The following ZNF827 variants were observed in gnomAD, a reference collection of about 807,000 sequenced individuals.
The protein encoded by ZNF827 is zinc finger protein 827.
ZNF827 carries 13 observed loss-of-function variants against 102.4 expected under a neutral mutation model. The observed-to-expected ratio is 0.13, with a 90% CI of 0.08 to 0.20. ZNF827 has a LOEUF of 0.20. ZNF827 is among the 10% of genes least tolerant of loss of function. The pLI is 1.00. For synonymous variants in ZNF827, 523 were observed against 536.2 expected (o/e 0.98, Z 0.34); for missense variants, 1,103 against 1,344.4 (o/e 0.82, Z 2.81).
At position 145,845,946 on chromosome 4, in the gene ZNF827, A is replaced by C; in HGVS notation, c.2279+10T>G. The C allele has an allele frequency of 1.2e-6, 2 of 1,614,188 alleles. No homozygotes were observed. The highest frequency in any genetic ancestry group is 1.7e-6 in the Non-Finnish European group (2 of 1,180,020). ...GGGTGTTCTGGAGGAACCCACACAA[A>C]GTCGCCTACCTGGTCGTGGTCCGGA... On this transcript the variant is annotated intron_variant, in intron 7 of 14. Coordinates refer to ENST00000508784, the MANE Select transcript of ZNF827 (RefSeq NM_001306215.2).
chr4:145,765,070 C>G lies in ZNF827; in HGVS notation c.3148G>C (p.Asp1050His). The change falls in exon 13 of 15, where the codon GAT (aspartate) becomes CAT (histidine). Residue 1050 changes from aspartate to histidine, a missense_variant. Physicochemically the swap from Asp to His is moderately conservative, Grantham distance 81. This residue lies in a region of ZNF827 where 242 missense variants were observed against 361.9 expected (regional missense o/e 0.67). Coordinates refer to ENST00000508784, the MANE Select transcript of ZNF827 (RefSeq NM_001306215.2). The surrounding 1 kb of genome is among the most constrained non-coding windows in gnomAD (Gnocchi z 4.7). ...IHLITRMFECDVCHKFMKTPE... is the reference protein window; with the variant it reads ...IHLITRMFECHVCHKFMKTPE... The stretch of plus-strand genomic sequence containing the variant: ...GTCTTCATGAACTTGTGGCACACAT[C>G]ACACTCAAACATCCGGGTGATGAGG... 1 of 1,614,236 alleles carries G rather than the reference C, an allele frequency of 6.2e-7. No homozygotes were observed. Among genetic ancestry groups the G allele is most frequent in the Non-Finnish European group, 8.5e-7 (1 of 1,180,046 alleles).
rs143080562 is a variant in ZNF827 at position 145,831,198 on chromosome 4, T to A, written c.2280-7673A>T. 115 of 152,304 alleles carry A rather than the reference T, an allele frequency of 7.6e-4. 1 individual carries two copies. Among genetic ancestry groups the A allele is most frequent in the African/African-American group, 2.7e-3 (112 of 41,568 alleles). 9.4% of individuals were successfully genotyped at this position (152,304 alleles called of 1,614,324 possible). A position where few individuals can be genotyped will look rare whatever the true frequency, so the allele number is the denominator to read the frequency against. On this transcript the variant is annotated intron_variant, in intron 7 of 14. Transcript: ENST00000508784. ...AAGAGTGCCCAAGATTAAAAATGAC[T>A]GTGAGTCTCAGCCCTGAAGGCAACC...
At chr4:145,810,549 T>C (rs1012457375) in intron 8 of ZNF827, among the ~76,000 whole-genome samples, 1 of 152,248 alleles carries the variant, frequency 6.6e-6, no homozygotes, top group Non-Finnish European at 1.5e-5. Context: ...CCTTTCCACT[T>C]GTCAGTGGTA....
Position 145,763,139 on chromosome 4 carries a change from A to T in ZNF827, c.3231-17T>A. 6.5e-7 allele frequency: 1 copy of T among 1,536,044 alleles called. No individual in the cohort carries two copies. The highest frequency in any genetic ancestry group is 8.7e-7 in the Non-Finnish European group (1 of 1,146,802). On this transcript the variant is annotated splice_polypyrimidine_tract_variant and intron_variant, in intron 13 of 14. Transcript: ENST00000508784. The surrounding 1 kb of genome is among the most constrained non-coding windows in gnomAD (Gnocchi z 4.6). The stretch of plus-strand genomic sequence containing the variant: ...TGTCCTGAGCTACGGCAAAAGAAAA[A>T]TAATAGTATAATCTTATTTGATCTG...
chr4:145,848,059 C>T (rs994245244), intron 6 of ZNF827, among the ~76,000 whole-genome samples: 5 of 152,168 alleles, frequency 3.3e-5, no homozygotes, highest in East Asian at 1.9e-4. Context: ...TAGGAGACTG[C>T]GACAGCATAC....
Position 145,938,432 on chromosome 4 carries a change from T to G in ZNF827, c.-25A>C, listed in dbSNP as rs759146196. On this transcript the variant is annotated 5_prime_UTR_variant, in exon 1 of 15. Coordinates refer to ENST00000508784, the MANE Select transcript of ZNF827 (RefSeq NM_001306215.2). ...TTTTCCCCCTTTTCTCACATTCTCC[T>G]CCTTGGTTAATGTGAGATCAAATAA... 18 of 1,607,330 alleles carry G rather than the reference T, an allele frequency of 1.1e-5. No individual in the cohort carries two copies. The Admixed American group carries it at 3.0e-4, about 27-fold the overall frequency.
At chr4:145,783,765 A>C (rs916150200) in intron 8 of ZNF827, among the ~76,000 whole-genome samples, 1 of 152,218 alleles carries the variant, frequency 6.6e-6, no homozygotes, top group African/African-American at 2.4e-5. Context: ...TTGTGAATAT[A>C]AGGCATGAAG....
At chr4:145,907,258 TGG>T (rs1561067487) in intron 1 of ZNF827, 1 of 454,802 alleles carries the variant, frequency 2.2e-6, no homozygotes, top group Non-Finnish European at 4.4e-6. Flanking sequence ...AATCTCATAA[TGG>T]AGGAGTTCTT....
In ZNF827 at chr4:145,865,613, TG is replaced by T. The variant is rs1172373160; in HGVS notation, c.1981+4631del. On this transcript the variant is annotated intron_variant, in intron 5 of 14. Coordinates refer to ENST00000508784, the MANE Select transcript of ZNF827 (RefSeq NM_001306215.2). ...CTAGGGACCACACTTTGAGAAGCAC[TG>T]CCTTAGCAAATTAGAGAGGTTTTTC... is the stretch of plus-strand genomic sequence containing the variant. Among the ~76,000 whole-genome samples, 9 of 152,214 alleles carry T rather than the reference TG, an allele frequency of 5.9e-5. No homozygotes were observed. In the South Asian group the frequency reaches 1.0e-3, roughly 18 times the overall value.
chr4:145,760,849 G>A lies in ZNF827; in HGVS notation c.*767C>T, dbSNP rs1170381383. On this transcript the variant is annotated 3_prime_UTR_variant, in exon 15 of 15. Coordinates refer to ENST00000508784, the MANE Select transcript of ZNF827 (RefSeq NM_001306215.2). Reference sequence around the variant, plus strand: ...GGAGTGTTTGGGTGAGGGGATGCTGGGAGGCGCAGTCTGAGGTCGGGGAGG... The same window carrying A: ...GGAGTGTTTGGGTGAGGGGATGCTGAGAGGCGCAGTCTGAGGTCGGGGAGG... The A allele has an allele frequency of 8.3e-7, 1 of 1,210,372 alleles. No homozygotes were observed. Among genetic ancestry groups the A allele is most frequent in the Non-Finnish European group, 1.1e-6 (1 of 951,236 alleles). 75.0% of individuals were successfully genotyped at this position (1,210,372 alleles called of 1,614,324 possible). A position where few individuals can be genotyped will look rare whatever the true frequency, so the allele number is the denominator to read the frequency against.
At chr4:145,906,554 C>CAAACGTGCTG (rs1165521634) in intron 1 of ZNF827, among the ~76,000 whole-genome samples, 5 of 152,304 alleles carry the variant, frequency 3.3e-5, no homozygotes, top group East Asian at 3.9e-4. Context: ...ATTCCCCCTC[C>CAAACGTGCTG]AAACGTGCTG....
At chr4:145,846,108 T>C in intron 6 of ZNF827, 95 bp from the exon 7 acceptor site, 3 of 1,176,450 alleles carry the variant, frequency 2.6e-6, no homozygotes, top group South Asian at 2.7e-5. Flanking sequence ...AACATCTCTC[T>C]TTTTCCTTTG....
intron 7 of ZNF827, among the ~76,000 whole-genome samples, chr4:145,836,577 T>G: frequency 6.6e-6 from 1 of 152,226 alleles, no homozygotes; most frequent in Non-Finnish European, 1.5e-5. Flanking sequence ...CAATTACCAT[T>G]GTTCCTGGCT....
intron 5 of ZNF827, among the ~76,000 whole-genome samples, chr4:145,866,857 G>A (rs1748252450): frequency 6.6e-6 from 1 of 152,146 alleles, no homozygotes; most frequent in African/African-American, 2.4e-5. Flanking sequence ...GCAAAACAGA[G>A]ACAAAACAGA....
intron 1 of ZNF827, among the ~76,000 whole-genome samples, chr4:145,915,924 A>G (rs1284046033): frequency 6.6e-6 from 1 of 152,254 alleles, no homozygotes; most frequent in Admixed American, 6.5e-5. Flanking sequence ...AGAATGGGAT[A>G]ACTGGTCCTG....
At chr4:145,887,639 C>A (rs1222211736) in intron 3 of ZNF827, among the ~76,000 whole-genome samples, 3 of 152,190 alleles carry the variant, frequency 2.0e-5, no homozygotes, top group Non-Finnish European at 2.9e-5. Context: ...TGGGGAAACA[C>A]ACTGATTGTC....
At chr4:145,844,149 A>G (rs890370800) in intron 7 of ZNF827, among the ~76,000 whole-genome samples, 2 of 152,148 alleles carry the variant, frequency 1.3e-5, no homozygotes, top group Admixed American at 1.3e-4. Flanking sequence ...TAAATAGCTT[A>G]AAGGTTAGAT....
rs1374111389 is a variant in ZNF827 at position 145,791,211 on chromosome 4, G to A, written c.2384-11700C>T. 7.2e-5 allele frequency among the ~76,000 whole-genome samples: 11 copies of A among 152,322 alleles called. No homozygotes were observed. The East Asian group carries it at 9.6e-4, about 13-fold the overall frequency. Reference sequence around the variant, plus strand: ...GGCACTGGCAGATTCAGTGTCTGGGGAGGCCCTGCTTCCTCACAGACAGCC... The same window carrying A: ...GGCACTGGCAGATTCAGTGTCTGGGAAGGCCCTGCTTCCTCACAGACAGCC... On this transcript the variant is annotated intron_variant, in intron 8 of 14. Transcript: ENST00000508784.
At chr4:145,856,684 C>T (rs1195809785) in intron 5 of ZNF827, among the ~76,000 whole-genome samples, 1 of 682 alleles carries the variant, frequency 1.5e-3, no homozygotes, top group Non-Finnish European at 4.3e-3. Context: ...TACACACATA[C>T]ACACACACAC....
Sources: allele counts gnomAD v4.1 joint callset (sites outside exome capture counted in the v4.1 genomes callset), GRCh38; gene constraint gnomAD v4.1.1; regional missense constraint gnomAD v4.1.1; non-coding constraint Gnocchi (gnomAD v3.1); transcripts MANE v1.5; gene names NCBI Gene and HGNC (gene_info 2026-07-23, HGNC 2026-07-21).